Variants in DTX4 observed in about 807,000 individuals in gnomAD.
DTX4 encodes the protein E3 ubiquitin-protein ligase DTX4.
Under a neutral mutation model 57.6 loss-of-function variants are expected in DTX4, and 28 were observed. That is an observed-to-expected ratio of 0.49 (90% CI 0.36 to 0.67). The LOEUF (loss-of-function observed/expected upper bound fraction) is 0.67. DTX4 is among the 30% of genes least tolerant of loss of function. The pLI, the probability that DTX4 is intolerant of heterozygous loss-of-function variation, is 0.00. For synonymous variants in DTX4, 316 were observed against 331.0 expected, an observed-to-expected ratio of 0.95 and a Z score of 0.49; for missense variants, 715 against 836.8, an observed-to-expected ratio of 0.85 and a Z score of 1.80.
intron 8 of DTX4, among the ~76,000 whole-genome samples, chr11:59,201,904 T>G (rs1416186996): frequency 6.6e-6 from 1 of 152,214 alleles, no homozygotes; most frequent in African/African-American, 2.4e-5. Context: ...GGTACCCAGA[T>G]GGGCACATTA....
chr11:59,186,337 T>G (rs1254986717), intron 2 of DTX4, among the ~76,000 whole-genome samples: 1 of 152,114 alleles, frequency 6.6e-6, no homozygotes, highest in East Asian at 1.9e-4. Flanking sequence ...AACCTGCCAG[T>G]CCAGTTTATG....
At position 59,182,153 on chromosome 11, in the gene DTX4, C is replaced by G. The variant is rs1384762930; in HGVS notation, c.626C>G (p.Thr209Ser). The change falls in exon 2 of 9, where the codon ACT becomes AGT. Residue 209 changes from threonine to serine, a missense_variant. Thr to Ser is a moderately conservative substitution (Grantham distance 58). Transcript: ENST00000227451. The stretch of plus-strand genomic sequence containing the variant: ...AAGGCAGCCGTGGTCAATGGCAGCA[C>G]TGGGCCCCTACAGCTGCCAGTGACC... ...SVKAAVVNGS[T>S]GPLQLPVTRK... is the part of the protein sequence containing the mutation. 1 of 1,613,210 alleles carries G rather than the reference C, an allele frequency of 6.2e-7. No individual in the cohort carries two copies. The highest frequency in any genetic ancestry group is 8.5e-7 in the Non-Finnish European group (1 of 1,179,722).
At chr11:59,182,512 G>A (rs1188582413) in intron 2 of DTX4, 50 bp downstream of exon 2, 1 of 1,501,798 alleles carries the variant, frequency 6.7e-7, no homozygotes, top group East Asian at 2.3e-5. Context: ...GTAGAGATAG[G>A]CTACAGCAGA....
In DTX4 at chr11:59,206,544, A is replaced by T. The variant is rs1169842290; in HGVS notation, c.*1635A>T. The T allele has an allele frequency of 1.4e-5, 2 of 143,154 alleles. No homozygotes were observed. Among genetic ancestry groups the T allele is most frequent in the Non-Finnish European group, 3.0e-5 (2 of 66,070 alleles). The allele number at this position is 143,154 out of a possible 1,614,324, so 8.9% of individuals were successfully genotyped here. A position where few individuals can be genotyped will look rare whatever the true frequency, so the allele number is the denominator to read the frequency against. ...ATATATATATATGCATATATATTTC[A>T]TAATATTTGGAAGGTTTTTGATGCT... is the stretch of plus-strand genomic sequence containing the variant. On this transcript the variant is annotated 3_prime_UTR_variant, in exon 9 of 9. Transcript: ENST00000227451.
chr11:59,177,120 C>T (rs1303551796), intron 1 of DTX4, among the ~76,000 whole-genome samples: 2 of 152,300 alleles, frequency 1.3e-5, no homozygotes, highest in Middle Eastern at 3.4e-3. Context: ...GATTCTTTGA[C>T]TCATTCTGTC....
chr11:59,200,915 A>G (rs1044455488), intron 8 of DTX4, among the ~76,000 whole-genome samples: 8 of 152,232 alleles, frequency 5.3e-5, no homozygotes, highest in Admixed American at 5.2e-4. Context: ...TTCGTCATGC[A>G]CTTTGCTTGT....
chr11:59,193,098 T>C (rs1175519039), intron 6 of DTX4, among the ~76,000 whole-genome samples: 1 of 152,144 alleles, frequency 6.6e-6, no homozygotes, highest in Non-Finnish European at 1.5e-5. Flanking sequence ...GCAAGAAGTA[T>C]GTCTGGATTA....
At chr11:59,199,187 A>T (rs1362785677) in intron 7 of DTX4, among the ~76,000 whole-genome samples, 1 of 152,248 alleles carries the variant, frequency 6.6e-6, no homozygotes, top group East Asian at 1.9e-4. Flanking sequence ...TATTCTGAGT[A>T]GTTAAAAATC....
chr11:59,188,686 T>C (rs1317562795), intron 2 of DTX4, 49 bp from the exon 3 acceptor site: 1 of 1,510,574 alleles, frequency 6.6e-7, no homozygotes, highest in African/African-American at 1.4e-5. Flanking sequence ...ACTGGTCCAT[T>C]TTGTTCCACG....
intron 8 of DTX4, among the ~76,000 whole-genome samples, chr11:59,203,981 G>A (rs1299915821): frequency 1.3e-5 from 2 of 152,180 alleles, no homozygotes; most frequent in Non-Finnish European, 2.9e-5. Context: ...TTCACTGGAT[G>A]CTTTTTCTTC....
intron 3 of DTX4, 32 bp downstream of exon 3, chr11:59,188,828 G>A: frequency 6.3e-7 from 1 of 1,583,444 alleles, no homozygotes; most frequent in Non-Finnish European, 8.7e-7. Flanking sequence ...TCTGGGTTAA[G>A]GTAGAGAAAT....
At chr11:59,185,842 T>C (rs1862520992) in intron 2 of DTX4, among the ~76,000 whole-genome samples, 1 of 152,124 alleles carries the variant, frequency 6.6e-6, no homozygotes, top group Admixed American at 6.5e-5. Flanking sequence ...GCTCAGCTGT[T>C]TACAGTTAGT....
chr11:59,193,887 C>G (rs550342807), intron 6 of DTX4, among the ~76,000 whole-genome samples: 5 of 152,298 alleles, frequency 3.3e-5, no homozygotes, highest in Non-Finnish European at 7.4e-5. Flanking sequence ...CCTGTCTTCC[C>G]GAGGAGTTGG....
At chr11:59,202,590 A>G (rs941755181) in intron 8 of DTX4, among the ~76,000 whole-genome samples, 11 of 152,186 alleles carry the variant, frequency 7.2e-5, no homozygotes, top group African/African-American at 2.4e-4. Flanking sequence ...AGCAACCTCC[A>G]TGAATTCTAG....
intron 1 of DTX4, among the ~76,000 whole-genome samples, chr11:59,179,645 C>T (rs1391604862): frequency 2.0e-5 from 3 of 152,050 alleles, no homozygotes; most frequent in Non-Finnish European, 4.4e-5. Context: ...GTTCACTCTT[C>T]GATTGTCAGC....
intron 2 of DTX4, among the ~76,000 whole-genome samples, chr11:59,184,736 T>C (rs1011044929): frequency 6.6e-6 from 1 of 152,228 alleles, no homozygotes; most frequent in Non-Finnish European, 1.5e-5. Context: ...GTCTGAGCAG[T>C]ACAGTTTCAA....
intron 8 of DTX4, among the ~76,000 whole-genome samples, 195 bp from the exon 9 acceptor site, chr11:59,204,481 T>G (rs1862778354): frequency 6.6e-6 from 1 of 152,156 alleles, no homozygotes; most frequent in South Asian, 2.1e-4. Flanking sequence ...GTCACACAGT[T>G]ATTCAGTGAC....
rs1163453783 is a variant in DTX4 at position 59,199,691 on chromosome 11, A to G, written c.1544A>G (p.Glu515Gly). ...CTTGCTTTCTGCTTTCAGGGACCGG[A>G]ACACCCGAATCCTGGGAAGAGTTTC... The part of the protein sequence containing the change: ...YSIPPGIQGP[E>G]HPNPGKSFSA... Residue 515 changes from glutamate (E) to glycine (G), a missense_variant, in exon 8 of 9, where the codon GAA becomes GGA. By Grantham distance (98) the Glu-to-Gly change is moderately conservative. Transcript: ENST00000227451. The G allele has an allele frequency of 1.3e-6, 2 of 1,574,884 alleles. No individual in the cohort carries two copies. The highest frequency in any genetic ancestry group is 3.7e-5 in the Admixed American group (2 of 54,712).
chr11:59,171,727 C>A (rs1051746896), upstream of DTX4, among the ~76,000 whole-genome samples: 2 of 151,874 alleles, frequency 1.3e-5, no homozygotes, highest in Non-Finnish European at 2.9e-5. Context: ...AGTTGGGGTG[C>A]GCGCGCGTGT....
Sources: allele counts gnomAD v4.1 joint callset (sites outside exome capture counted in the v4.1 genomes callset), GRCh38; gene constraint gnomAD v4.1.1; transcripts MANE v1.5; gene names NCBI Gene and HGNC (gene_info 2026-07-23, HGNC 2026-07-21).